LNX1: variants seen among roughly 807,000 people sequenced by gnomAD.
The protein encoded by LNX1 is E3 ubiquitin-protein ligase LNX.
In LNX1, 54 loss-of-function variants were observed where a neutral mutation model predicts 68.4. That is an observed-to-expected ratio of 0.79 (90% CI 0.63 to 0.99). The LOEUF is 0.99. Among genes scored for constraint, LNX1 ranks in the 50% least tolerant of loss-of-function variants. The probability of loss-of-function intolerance (pLI) is 0.00; values close to 1 mark genes in which losing one functional copy is unlikely to be tolerated. For missense variants in LNX1, 906 were observed against 926.4 expected, an observed-to-expected ratio of 0.98 and a Z score of 0.29; for synonymous variants, 336 against 350.0, an observed-to-expected ratio of 0.96 and a Z score of 0.45.
chr4:53,467,885 G>A (rs191766155), intron 9 of LNX1, among the ~76,000 whole-genome samples: 30 of 152,334 alleles, frequency 2.0e-4, no homozygotes, highest in African/African-American at 5.8e-4. Flanking sequence ...TGAAAGTGAC[G>A]AGGAGAATGG....
At chr4:53,605,387 C>T (rs1161429608) in intron 2 of LNX1, among the ~76,000 whole-genome samples, 1 of 151,942 alleles carries the variant, frequency 6.6e-6, no homozygotes, top group African/African-American at 2.4e-5. Flanking sequence ...AGCAAATTAA[C>T]GTATGCATCA....
chr4:53,550,207 G>A (rs544930363), intron 2 of LNX1, among the ~76,000 whole-genome samples: 219 of 152,292 alleles, frequency 1.4e-3, no homozygotes, highest in African/African-American at 5.1e-3. Context: ...AAATACACAA[G>A]TTTAAAAATT....
intron 7 of LNX1, among the ~76,000 whole-genome samples, 171 bp downstream of exon 7, chr4:53,481,549 C>G (rs111968738): frequency 6.6e-6 from 1 of 152,142 alleles, no homozygotes; most frequent in Non-Finnish European, 1.5e-5. Context: ...ATGGGAGACA[C>G]CTGTTATCTC....
At chr4:53,528,877 T>G (rs956183299) in intron 2 of LNX1, among the ~76,000 whole-genome samples, 2 of 152,100 alleles carry the variant, frequency 1.3e-5, no homozygotes, top group African/African-American at 4.8e-5. Context: ...GGGATGGACA[T>G]GTGACTCAAA....
chr4:53,570,304 C>T lies in LNX1; in HGVS notation c.380+3319G>A, dbSNP rs543869981. Among the ~76,000 whole-genome samples, 109 of 149,320 alleles carry T rather than the reference C, an allele frequency of 7.3e-4. No individual in the cohort carries two copies. The South Asian group carries it at 0.01, about 14-fold the overall frequency. On this transcript the variant is annotated intron_variant, in intron 2 of 10. Transcript: ENST00000263925. ...GATAGACTGGATTAAGAAAATGTGGCACATATACACCATGGAATACTATGT... is the reference window on the plus strand; with the variant it reads ...GATAGACTGGATTAAGAAAATGTGGTACATATACACCATGGAATACTATGT...
At chr4:53,640,408 T>C (rs1734634479) in intron 1 of LNX1, among the ~76,000 whole-genome samples, 1 of 152,148 alleles carries the variant, frequency 6.6e-6, no homozygotes, top group South Asian at 2.1e-4. Context: ...CTCTGTAGCC[T>C]TCTCAGTAAA....
At position 53,573,785 on chromosome 4, in the gene LNX1, T is replaced by A. The variant is rs201022410; in HGVS notation, c.218A>T (p.Asp73Val). The A allele has an allele frequency of 3.7e-5, 59 of 1,612,456 alleles. No homozygotes were observed. Among genetic ancestry groups the A allele is most frequent in the Non-Finnish European group, 4.9e-5 (58 of 1,179,292 alleles). Reference protein sequence around the residue: ...LCLTNFLVEKDFCPMDRKPLV... With the variant: ...LCLTNFLVEKVFCPMDRKPLV... ...AGGCTTGCGGTCCATGGGACAGAAGTCCTTCTCCACCAGGAAGTTGGTGAG... is the reference window on the plus strand; with the variant it reads ...AGGCTTGCGGTCCATGGGACAGAAGACCTTCTCCACCAGGAAGTTGGTGAG... Residue 73 changes from aspartate to valine, a missense_variant, in exon 2 of 11, where the codon GAC becomes GTC. Physicochemically the swap from Asp to Val is radical, Grantham distance 152. Coordinates refer to ENST00000263925, the MANE Select transcript of LNX1 (RefSeq NM_001126328.3).
chr4:53,579,489 C>T (rs1270828316), intron 1 of LNX1, among the ~76,000 whole-genome samples: 1 of 152,074 alleles, frequency 6.6e-6, no homozygotes, highest in African/African-American at 2.4e-5. Context: ...TATTGTCTAG[C>T]CTAAAACCTG....
chr4:53,577,699 G>A (rs1236912037), intron 1 of LNX1, among the ~76,000 whole-genome samples: 1 of 152,006 alleles, frequency 6.6e-6, no homozygotes, highest in South Asian at 2.1e-4. Context: ...ACAGATGTGA[G>A]CCACCACACC....
At chr4:53,578,243 AGAATCATGTGTTGCTTAAT>A (rs1260575080) in intron 1 of LNX1, among the ~76,000 whole-genome samples, 1 of 152,222 alleles carries the variant, frequency 6.6e-6, no homozygotes, top group Non-Finnish European at 1.5e-5. Context: ...TATTGCAAGT[AGAATCATGTGTTGCTTAAT>A]GATGGGGATA....
chr4:53,619,785 C>T (rs1733802082), upstream of LNX1, among the ~76,000 whole-genome samples: 1 of 152,150 alleles, frequency 6.6e-6, no homozygotes, highest in African/African-American at 2.4e-5. Context: ...GATGAACTGT[C>T]AAACTGTTTT....
intron 5 of LNX1, among the ~76,000 whole-genome samples, chr4:53,497,534 C>T (rs1286019574): frequency 4.6e-5 from 7 of 152,190 alleles, no homozygotes; most frequent in Admixed American, 2.6e-4. Flanking sequence ...GTGGCAGGGC[C>T]GGGTTCCCCC....
rs553041504 is a variant in LNX1 at position 53,555,785 on chromosome 4, T to TGGCAAAGTATGATTCCC, written c.380+17821_380+17837dup. Among the ~76,000 whole-genome samples, 433 of 152,344 alleles carry TGGCAAAGTATGATTCCC rather than the reference T, an allele frequency of 2.8e-3. 1 individual carries two copies. The highest frequency in any genetic ancestry group is 9.8e-3 in the African/African-American group (407 of 41,594). On this transcript the variant is annotated intron_variant, in intron 2 of 10. Transcript: ENST00000263925. ...ACACCATCCTGGTAATGGTGATTCC[T>TGGCAAAGTATGATTCCC]GGCAAAGTATGATTCCCTAGCATCA...
chr4:53,480,889 A>T (rs903313841), intron 7 of LNX1, among the ~76,000 whole-genome samples: 1 of 152,090 alleles, frequency 6.6e-6, no homozygotes, highest in African/African-American at 2.4e-5. Context: ...ACCTTTAAGA[A>T]TTTTTTTTAG....
intron 2 of LNX1, chr4:53,558,229 G>A: frequency 7.2e-6 from 9 of 1,252,768 alleles, no homozygotes; most frequent in African/African-American, 1.5e-5. Flanking sequence ...GAGCAGGCAA[G>A]CTGATGCCCA....
chr4:53,496,406 TG>T lies in LNX1; in HGVS notation c.979-13del, dbSNP rs746541745. 2.5e-6 allele frequency: 4 copies of T among 1,583,638 alleles called. No individual in the cohort carries two copies. Among genetic ancestry groups the T allele is most frequent in the Non-Finnish European group, 3.4e-6 (4 of 1,164,596 alleles). On this transcript the variant is annotated splice_polypyrimidine_tract_variant and intron_variant, in intron 5 of 10. Transcript: ENST00000263925. Reference sequence around the variant, plus strand: ...TCCATCCCGTTGACCTGGGGGCAGGTGGAACAATCGTGCGGTCAGCTCCACC... The same window carrying T: ...TCCATCCCGTTGACCTGGGGGCAGGTGAACAATCGTGCGGTCAGCTCCACC...
intron 2 of LNX1, among the ~76,000 whole-genome samples, chr4:53,612,149 G>A (rs1733521259): frequency 1.3e-5 from 2 of 152,306 alleles, no homozygotes; most frequent in South Asian, 4.1e-4. Context: ...TTTACCAAAA[G>A]TGAGGGGAGT....
At chr4:53,511,762 C>T (rs964632142) in intron 2 of LNX1, among the ~76,000 whole-genome samples, 6 of 152,164 alleles carry the variant, frequency 3.9e-5, no homozygotes, top group African/African-American at 1.4e-4. Context: ...AGACGAGACA[C>T]AGGAGGGAAC....
intron 1 of LNX1, among the ~76,000 whole-genome samples, chr4:53,585,188 G>C (rs1003860002): frequency 2.6e-5 from 4 of 152,280 alleles, no homozygotes; most frequent in Middle Eastern, 3.4e-3. Context: ...ATCTATGATG[G>C]TTTTTACTGT....
Sources: allele counts gnomAD v4.1 joint callset (sites outside exome capture counted in the v4.1 genomes callset), GRCh38; gene constraint gnomAD v4.1.1; transcripts MANE v1.5; gene names NCBI Gene and HGNC (gene_info 2026-07-23, HGNC 2026-07-21).